The following ANKH variants were observed in gnomAD, a reference collection of about 807,000 sequenced individuals.
ANKH encodes the protein ANKH inorganic pyrophosphate transport regulator.
In ANKH, 15 loss-of-function variants were observed where a neutral mutation model predicts 49.0. That is an observed-to-expected ratio of 0.31 (90% CI 0.20 to 0.47). The LOEUF is 0.47. Ranked by LOEUF, ANKH falls within the 20% of genes least tolerant of loss-of-function variation. ANKH has a pLI of 1.00. For missense variants in ANKH, 429 were observed against 652.0 expected, an observed-to-expected ratio of 0.66 and a Z score of 3.72; for synonymous variants, 273 against 260.0, an observed-to-expected ratio of 1.05 and a Z score of -0.48.
intron 1 of ANKH, among the ~76,000 whole-genome samples, chr5:14,855,858 A>G (rs1735223112): frequency 6.6e-6 from 1 of 151,764 alleles, no homozygotes; most frequent in African/African-American, 2.4e-5. Flanking sequence ...GAAAAAAAAA[A>G]AAAGGCGGCA....
At chr5:14,841,838 G>A (rs754817214) in intron 1 of ANKH, among the ~76,000 whole-genome samples, 1 of 152,106 alleles carries the variant, frequency 6.6e-6, no homozygotes, top group Non-Finnish European at 1.5e-5. Flanking sequence ...GACAGTATTT[G>A]TCTATTTGTG....
chr5:14,867,874 T>C (rs1456527169), intron 1 of ANKH, among the ~76,000 whole-genome samples: 1 of 152,240 alleles, frequency 6.6e-6, no homozygotes, highest in African/African-American at 2.4e-5. Flanking sequence ...CAGATCATTT[T>C]ATTCCATAGA....
At chr5:14,831,486 T>C (rs761495036) in intron 1 of ANKH, among the ~76,000 whole-genome samples, 6 of 152,220 alleles carry the variant, frequency 3.9e-5, no homozygotes, top group Non-Finnish European at 5.9e-5. Context: ...TGACATTTGC[T>C]GAAACTGATA....
chr5:14,820,024 A>G (rs998330755), intron 1 of ANKH, among the ~76,000 whole-genome samples: 3 of 152,072 alleles, frequency 2.0e-5, no homozygotes, highest in African/African-American at 7.2e-5. Flanking sequence ...ACCAAATACT[A>G]TGGTGTAAAT....
intron 1 of ANKH, among the ~76,000 whole-genome samples, chr5:14,813,874 C>T (rs1481592437): frequency 6.6e-6 from 1 of 152,184 alleles, no homozygotes; most frequent in Non-Finnish European, 1.5e-5. Context: ...TGATCTGTGC[C>T]ATATTCTTCC....
chr5:14,871,499 T>G lies in ANKH; in HGVS notation c.-52A>C. ...CACATCTGCTGCCGCGAGGGGACTC[T>G]GCGGGGAGGCGAGGGGCGACGGGGC... is the stretch of plus-strand genomic sequence containing the variant. On this transcript the variant is annotated 5_prime_UTR_variant, in exon 1 of 12. Transcript: ENST00000284268. 1 of 1,467,646 alleles carries G rather than the reference T, an allele frequency of 6.8e-7. No homozygotes were observed. 90.9% of individuals were successfully genotyped at this position (1,467,646 alleles called of 1,614,324 possible).
rs1238670431 is a variant in ANKH at position 14,770,665 on chromosome 5, AC to A, written c.97-1475del. 1.3e-5 allele frequency among the ~76,000 whole-genome samples: 2 copies of A among 152,176 alleles called. No individual in the cohort carries two copies. Among genetic ancestry groups the A allele is most frequent in the Non-Finnish European group, 2.9e-5 (2 of 68,030 alleles). ...TACTCGGAATGGCATGCAATTTAAA[AC>A]TTATGAATTGTTTATTTCTGGAACT... On this transcript the variant is annotated intron_variant, in intron 1 of 11. Coordinates refer to ENST00000284268, the MANE Select transcript of ANKH (RefSeq NM_054027.6). This position sits in a 1 kb window ranked among gnomAD's most constrained non-coding sequence, Gnocchi z 4.1.
rs59585099 is a variant in ANKH, at chr5:14,741,718, C to T, written c.1011+109G>A. On this transcript the variant is annotated intron_variant, in intron 8 of 11. Transcript: ENST00000284268. ...GTATTGAAGAGATTGCTAATTAATC[C>T]AGCATCACATTACATTGTGGAAAAT... The T allele has an allele frequency of 3.2e-3, 2,554 of 799,134 alleles. 44 individuals carry two copies. The African/African-American group carries it at 0.035, about 11-fold the overall frequency. The allele number at this position is 799,134 out of a possible 1,614,324, so 49.5% of individuals were successfully genotyped here.
intron 1 of ANKH, among the ~76,000 whole-genome samples, chr5:14,774,527 T>C (rs1284921237): frequency 2.6e-5 from 4 of 152,128 alleles, no homozygotes; most frequent in Admixed American, 6.5e-5. Flanking sequence ...AACCTCCGCC[T>C]CCCAGGCTCA....
intron 1 of ANKH, among the ~76,000 whole-genome samples, chr5:14,858,488 G>T (rs1000265126): frequency 1.3e-5 from 2 of 152,128 alleles, no homozygotes; most frequent in Non-Finnish European, 2.9e-5. Flanking sequence ...AGGCCAAGGG[G>T]GTGCGGATCA....
At chr5:14,763,091 T>G (rs1445549427) in intron 2 of ANKH, among the ~76,000 whole-genome samples, 1 of 152,192 alleles carries the variant, frequency 6.6e-6, no homozygotes, top group Admixed American at 6.5e-5. Flanking sequence ...GAATCAGTGG[T>G]TCTCAAACCT....
At chr5:14,808,084 A>G (rs1458332887) in intron 1 of ANKH, among the ~76,000 whole-genome samples, 2 of 152,018 alleles carry the variant, frequency 1.3e-5, no homozygotes, top group Non-Finnish European at 2.9e-5. Flanking sequence ...AGTTTTATTA[A>G]TTTTTTTTGA....
intron 1 of ANKH, among the ~76,000 whole-genome samples, chr5:14,782,372 C>T (rs902259829): frequency 3.3e-5 from 5 of 151,976 alleles, no homozygotes; most frequent in Admixed American, 2.0e-4. Flanking sequence ...TATGGAGAGG[C>T]GAAATCACTC....
chr5:14,756,659 G>A (rs544489441), intron 3 of ANKH, among the ~76,000 whole-genome samples: 28 of 152,290 alleles, frequency 1.8e-4, no homozygotes, highest in African/African-American at 6.5e-4. Context: ...TACAGCAACA[G>A]CTAATTCCCT....
intron 1 of ANKH, chr5:14,797,532 G>A (rs1740426927): frequency 6.2e-7 from 1 of 1,611,008 alleles, no homozygotes; most frequent in African/African-American, 1.3e-5. Context: ...TGATCCTGTG[G>A]CAAGAATGAA....
chr5:14,786,281 G>A (rs531268618), intron 1 of ANKH, among the ~76,000 whole-genome samples: 36 of 152,152 alleles, frequency 2.4e-4, no homozygotes, highest in Non-Finnish European at 4.4e-4. Flanking sequence ...TTCATAAAAT[G>A]AGACCTGAAT....
At chr5:14,734,265 T>C (rs191093273) in intron 8 of ANKH, among the ~76,000 whole-genome samples, 147 of 150,252 alleles carry the variant, frequency 9.8e-4, no homozygotes, top group Admixed American at 2.5e-3. Context: ...CCCCCGTCAC[T>C]CTCTTTAAAT....
chr5:14,722,796 C>A (rs1160787881), intron 8 of ANKH, among the ~76,000 whole-genome samples: 9 of 152,136 alleles, frequency 5.9e-5, no homozygotes, highest in Admixed American at 5.9e-4. Flanking sequence ...TTCTGAGGAA[C>A]TTCCTTCTGA....
rs34629052 is a variant in ANKH, at chr5:14,818,644, CAAAAAAAAAA to C, written c.97-49463_97-49454del. On this transcript the variant is annotated intron_variant, in intron 1 of 11. Transcript: ENST00000284268. Reference sequence around the variant, plus strand: ...GGGTGACAAGAGCAAAACTCCATCTCAAAAAAAAAAAAAAAAAAAAAAAAAGAGGCAGAAG... The same window carrying C: ...GGGTGACAAGAGCAAAACTCCATCTCAAAAAAAAAAAAAAAGAGGCAGAAG... 9.3e-3 allele frequency among the ~76,000 whole-genome samples: 602 copies of C among 64,932 alleles called. 6 individuals carry two copies. Among genetic ancestry groups the C allele is most frequent in the African/African-American group, 0.034 (569 of 16,712 alleles). The allele number at this position is 64,932 out of a possible 152,430, so 42.6% of individuals were successfully genotyped here. A position where few individuals can be genotyped will look rare whatever the true frequency, so the allele number is the denominator to read the frequency against.
Sources: gnomAD v4.1 joint callset for allele counts (sites outside exome capture counted in the v4.1 genomes callset) on GRCh38, gnomAD v4.1.1 for gene constraint, Gnocchi (gnomAD v3.1) non-coding constraint, MANE v1.5 for transcripts, NCBI Gene and HGNC (gene_info 2026-07-23, HGNC 2026-07-21) for gene names.